The following FRMD4A variants were observed in gnomAD, a reference collection of about 807,000 sequenced individuals.
FRMD4A encodes the protein FERM domain-containing protein 4A.
In FRMD4A, 29 loss-of-function variants were observed where a neutral mutation model predicts 129.1. That is an observed-to-expected ratio of 0.22 (90% confidence interval 0.17 to 0.31). The LOEUF is 0.31. Ranked by LOEUF, FRMD4A falls within the 10% of genes least tolerant of loss-of-function variation. The pLI is 1.00. For synonymous variants in FRMD4A, 634 were observed against 571.6 expected, an observed-to-expected ratio of 1.11 and a Z score of -1.56; for missense variants, 1,272 against 1,375.8, an observed-to-expected ratio of 0.92 and a Z score of 1.19.
intron 2 of FRMD4A, among the ~76,000 whole-genome samples, chr10:13,911,020 A>G (rs1254972645): frequency 6.6e-6 from 1 of 152,000 alleles, no homozygotes; most frequent in Non-Finnish European, 1.5e-5. Context: ...TTCTAGGTAT[A>G]TCCTTTTCCT....
chr10:13,920,001 G>C (rs1410385149), intron 2 of FRMD4A, among the ~76,000 whole-genome samples: 2 of 152,078 alleles, frequency 1.3e-5, no homozygotes, highest in African/African-American at 2.4e-5. Context: ...GCCTGACCTA[G>C]CTTACATAAC....
At chr10:14,321,721 G>C (rs1202584214) in intron 2 of FRMD4A, among the ~76,000 whole-genome samples, 1 of 152,162 alleles carries the variant, frequency 6.6e-6, no homozygotes. Flanking sequence ...AGTGATAAGA[G>C]ACTAGAAACA....
At chr10:13,741,527 G>A (rs1037180795) in intron 9 of FRMD4A, among the ~76,000 whole-genome samples, 1 of 152,118 alleles carries the variant, frequency 6.6e-6, no homozygotes, top group Non-Finnish European at 1.5e-5. Context: ...TGGTACCGTG[G>A]GAACAAGAGG....
At chr10:13,959,682 G>T (rs1390259722) in intron 2 of FRMD4A, among the ~76,000 whole-genome samples, 1 of 152,056 alleles carries the variant, frequency 6.6e-6, no homozygotes. Context: ...TAACACAGTC[G>T]TGAAAATGAG....
intron 15 of FRMD4A, chr10:13,684,490 G>A: frequency 1.0e-6 from 1 of 985,300 alleles, no homozygotes; most frequent in Non-Finnish European, 1.2e-6. Context: ...GTGTGGAGGA[G>A]CGGATGTGGA....
At chr10:14,032,983 T>C (rs1336434440) in intron 2 of FRMD4A, among the ~76,000 whole-genome samples, 1 of 152,156 alleles carries the variant, frequency 6.6e-6, no homozygotes, top group East Asian at 1.9e-4. Context: ...CGAAACTGAA[T>C]ATCTGCGAGG....
intron 2 of FRMD4A, among the ~76,000 whole-genome samples, chr10:14,066,606 A>G (rs1403589617): frequency 6.6e-6 from 1 of 152,182 alleles, no homozygotes; most frequent in African/African-American, 2.4e-5. Flanking sequence ...GCATCCAAAG[A>G]ATTCAGACCT....
intron 2 of FRMD4A, among the ~76,000 whole-genome samples, chr10:14,047,557 G>T (rs1834041274): frequency 6.6e-6 from 1 of 152,138 alleles, no homozygotes; most frequent in Non-Finnish European, 1.5e-5. Context: ...TGATGGGGAA[G>T]ATAACTTACA....
At chr10:13,767,745 C>T (rs1044291988) in intron 6 of FRMD4A, among the ~76,000 whole-genome samples, 14 of 152,174 alleles carry the variant, frequency 9.2e-5, no homozygotes, top group African/African-American at 3.1e-4. Context: ...TATGCAGGGG[C>T]TGAGGTGTAA....
At chr10:13,801,211 C>A (rs1053135035) in intron 4 of FRMD4A, among the ~76,000 whole-genome samples, 8 of 152,134 alleles carry the variant, frequency 5.3e-5, no homozygotes, top group Non-Finnish European at 1.0e-4. Flanking sequence ...TGCACCGCTG[C>A]ACTTCAGCCT....
At chr10:14,123,522 G>T (rs2131814511) in intron 2 of FRMD4A, among the ~76,000 whole-genome samples, 1 of 152,322 alleles carries the variant, frequency 6.6e-6, no homozygotes, top group Middle Eastern at 3.4e-3. Flanking sequence ...GAAGGCTCAA[G>T]CTCCTGGGTA....
At chr10:14,108,875 A>G (rs576948661) in intron 2 of FRMD4A, among the ~76,000 whole-genome samples, 20 of 152,334 alleles carry the variant, frequency 1.3e-4, no homozygotes, top group South Asian at 6.2e-4. Context: ...AGGCAAGAGC[A>G]AAATTCCTAT....
At chr10:13,732,143 G>A (rs986371990) in intron 12 of FRMD4A, among the ~76,000 whole-genome samples, 20 of 152,212 alleles carry the variant, frequency 1.3e-4, no homozygotes, top group Admixed American at 7.8e-4. Flanking sequence ...GGTCCCTTGC[G>A]TTTTACTCCA....
chr10:14,057,865 T>C (rs942803411), intron 2 of FRMD4A, among the ~76,000 whole-genome samples: 4 of 152,220 alleles, frequency 2.6e-5, no homozygotes, highest in African/African-American at 9.6e-5. Context: ...CCACAACACC[T>C]GGCCTACAAT....
At chr10:13,694,220 G>A (rs571170172) in intron 14 of FRMD4A, among the ~76,000 whole-genome samples, 181 bp from the exon 15 acceptor site, 8 of 152,334 alleles carry the variant, frequency 5.3e-5, no homozygotes, top group East Asian at 1.9e-4. Flanking sequence ...AACTCTCTGC[G>A]AAGAGCAGAG....
chr10:13,926,631 T>G (rs779400858), intron 2 of FRMD4A, among the ~76,000 whole-genome samples: 1 of 152,036 alleles, frequency 6.6e-6, no homozygotes, highest in Non-Finnish European at 1.5e-5. Context: ...TGAAACAGAG[T>G]TTTGATTGTA....
At chr10:14,005,924 C>T (rs1841557) in intron 2 of FRMD4A, among the ~76,000 whole-genome samples, 38,398 of 152,028 alleles carry the variant, frequency 0.25, 5,998 homozygotes, top group African/African-American at 0.44. Flanking sequence ...TAAGGTCTTC[C>T]GCGTCATTAG....
intron 2 of FRMD4A, among the ~76,000 whole-genome samples, chr10:14,144,867 G>T (rs1311310237): frequency 6.6e-6 from 1 of 152,132 alleles, no homozygotes; most frequent in Admixed American, 6.5e-5. Flanking sequence ...AAGGACTTGG[G>T]GTCAAGAGGA....
chr10:14,116,639 G>A (rs889572425), intron 2 of FRMD4A, among the ~76,000 whole-genome samples: 1 of 152,142 alleles, frequency 6.6e-6, no homozygotes, highest in Non-Finnish European at 1.5e-5. Context: ...TCCTCACCAC[G>A]GAGAGACCCC....
Sources: allele counts gnomAD v4.1 joint callset (sites outside exome capture counted in the v4.1 genomes callset), GRCh38; gene constraint gnomAD v4.1.1; transcripts MANE v1.5; gene names NCBI Gene and HGNC (gene_info 2026-07-23, HGNC 2026-07-21).